The following ACTR3C variants were observed in gnomAD, a reference collection of about 807,000 sequenced individuals.
ACTR3C encodes the protein actin-related protein 3C.
Under a neutral mutation model 26.3 loss-of-function variants are expected in ACTR3C, and 18 were observed. The ratio of observed to expected loss-of-function variants is 0.68; its 90% CI spans 0.47 to 1.01. The LOEUF is 1.01. Among genes scored for constraint, ACTR3C ranks in the 50% least tolerant of loss-of-function variants. The pLI is 0.00. For missense variants in ACTR3C, 184 were observed against 250.7 expected, an observed-to-expected ratio of 0.73 and a Z score of 1.80; for synonymous variants, 55 against 94.5, an observed-to-expected ratio of 0.58 and a Z score of 2.42.
chr7:150,146,714 C>T, the ACTR3C span, among the ~76,000 whole-genome samples: 1 of 152,142 alleles, frequency 6.6e-6, no homozygotes, highest in South Asian at 2.1e-4. Flanking sequence ...CTCTCCCATT[C>T]TAAAGTTGGA....
chr7:150,224,190 G>A, the ACTR3C span, among the ~76,000 whole-genome samples: 1 of 152,168 alleles, frequency 6.6e-6, no homozygotes, highest in Non-Finnish European at 1.5e-5. Context: ...CCACACTCAA[G>A]TGGAGGAGAT....
the ACTR3C span, among the ~76,000 whole-genome samples, chr7:149,936,275 C>A: frequency 4.6e-5 from 7 of 152,160 alleles, no homozygotes; most frequent in Non-Finnish European, 7.3e-5. Flanking sequence ...GCTTCTATAA[C>A]TTTTCCCACC....
At chr7:150,277,836 G>T (rs1020501607) in intron 6 of ACTR3C, among the ~76,000 whole-genome samples, 1 of 152,074 alleles carries the variant, frequency 6.6e-6, no homozygotes, top group Non-Finnish European at 1.5e-5. Context: ...CCTAAATCCA[G>T]TCTCCATCTC....
chr7:150,014,681 C>T, the ACTR3C span, among the ~76,000 whole-genome samples: 1 of 152,124 alleles, frequency 6.6e-6, no homozygotes, highest in African/African-American at 2.4e-5. Context: ...GGTGAGGGTC[C>T]ACAGGCGGTT....
chr7:150,036,018 G>T, the ACTR3C span, among the ~76,000 whole-genome samples: 1 of 120,544 alleles, frequency 8.3e-6, no homozygotes, highest in Non-Finnish European at 1.8e-5. Context: ...CCCCAGCGAT[G>T]GGGTCCTAAG....
At chr7:150,310,618 C>T (rs925061968) in intron 1 of ACTR3C, among the ~76,000 whole-genome samples, 1 of 152,196 alleles carries the variant, frequency 6.6e-6, no homozygotes, top group East Asian at 1.9e-4. Context: ...TCTTTACCAT[C>T]CCCTTGCATC....
the ACTR3C span, among the ~76,000 whole-genome samples, chr7:150,215,992 T>C: frequency 1.3e-5 from 2 of 151,748 alleles, no homozygotes; most frequent in African/African-American, 4.8e-5. Context: ...TCCCCAAATA[T>C]GGTGAAAGAA....
the ACTR3C span, among the ~76,000 whole-genome samples, chr7:150,199,783 G>T: frequency 7.6e-5 from 11 of 144,534 alleles, no homozygotes; most frequent in Non-Finnish European, 1.5e-5. Flanking sequence ...ATTGTGTGAG[G>T]TAACAGATGT....
chr7:150,039,783 G>A, the ACTR3C span, among the ~76,000 whole-genome samples: 1 of 135,962 alleles, frequency 7.4e-6, no homozygotes, highest in Admixed American at 7.1e-5. Context: ...AGCCAGGGGG[G>A]GAAGAGGGAC....
the ACTR3C span, among the ~76,000 whole-genome samples, chr7:149,984,337 G>A: frequency 1.4e-4 from 21 of 152,094 alleles, no homozygotes; most frequent in South Asian, 2.1e-3. Flanking sequence ...CTGAGGAGCC[G>A]GGGTTACAGG....
chr7:149,976,828 A>G, the ACTR3C span, among the ~76,000 whole-genome samples: 21 of 152,120 alleles, frequency 1.4e-4, no homozygotes, highest in South Asian at 4.2e-3. Flanking sequence ...ATGGAAGTAA[A>G]GGTCTGTCGA....
the ACTR3C span, among the ~76,000 whole-genome samples, chr7:150,049,348 G>A: frequency 6.6e-6 from 1 of 152,122 alleles, no homozygotes; most frequent in Non-Finnish European, 1.5e-5. Flanking sequence ...GGCCGGGAAG[G>A]ACCTATCACA....
chr7:150,163,819 A>C, the ACTR3C span, among the ~76,000 whole-genome samples: 1 of 152,014 alleles, frequency 6.6e-6, no homozygotes, highest in Non-Finnish European at 1.5e-5. Context: ...GTTCTATTTG[A>C]GTCCGCCTCC....
At chr7:150,158,808 A>G in the ACTR3C span, among the ~76,000 whole-genome samples, 1 of 150,634 alleles carries the variant, frequency 6.6e-6, no homozygotes, top group Non-Finnish European at 1.5e-5. Context: ...ACACACGCAC[A>G]CACACAGGCA....
the ACTR3C span, among the ~76,000 whole-genome samples, chr7:150,204,781 C>T: frequency 6.6e-6 from 1 of 151,756 alleles, no homozygotes; most frequent in Non-Finnish European, 1.5e-5. Flanking sequence ...AGAGGAGGAG[C>T]GAGGAACAGG....
At chr7:150,040,266 C>A in the ACTR3C span, among the ~76,000 whole-genome samples, 3 of 147,630 alleles carry the variant, frequency 2.0e-5, no homozygotes, top group African/African-American at 7.6e-5. Context: ...GAGACGTAGG[C>A]TACCGGCCTC....
the ACTR3C span, among the ~76,000 whole-genome samples, chr7:149,991,131 G>A: frequency 4.6e-5 from 7 of 152,284 alleles, no homozygotes; most frequent in African/African-American, 1.2e-4. Flanking sequence ...CGTCTTACAC[G>A]GCAGCAGACA....
At chr7:150,137,356 A>C in the ACTR3C span, among the ~76,000 whole-genome samples, 12 of 152,184 alleles carry the variant, frequency 7.9e-5, no homozygotes, top group African/African-American at 2.4e-4. Context: ...TGAAGGAGCA[A>C]GACGAGGGAG....
the ACTR3C span, among the ~76,000 whole-genome samples, chr7:149,963,303 A>G: frequency 6.6e-6 from 1 of 152,092 alleles, no homozygotes; most frequent in Non-Finnish European, 1.5e-5. Flanking sequence ...CCCCACCCTG[A>G]CATTTTTCCT....
Sources: allele counts gnomAD v4.1 joint callset (sites outside exome capture counted in the v4.1 genomes callset), GRCh38; gene constraint gnomAD v4.1.1; transcripts MANE v1.5; gene names NCBI Gene and HGNC (gene_info 2026-07-23, HGNC 2026-07-21).